RAB28: variants seen among roughly 807,000 people sequenced by gnomAD.
The protein encoded by RAB28 is ras-related protein Rab-28.
RAB28 carries 24 observed loss-of-function variants against 31.7 expected under a neutral mutation model. The observed-to-expected ratio is 0.76, with a 90% confidence interval of 0.55 to 1.06. The LOEUF (loss-of-function observed/expected upper bound fraction) is 1.06. RAB28 is among the 50% of genes least tolerant of loss of function. The pLI, the probability that RAB28 is intolerant of heterozygous loss-of-function variation, is 0.00. For synonymous variants in RAB28, 100 were observed against 90.4 expected (o/e 1.11, Z -0.60); for missense variants, 254 against 258.5 (o/e 0.98, Z 0.12).
At chr4:13,419,984 G>A (rs954670613) in intron 4 of RAB28, among the ~76,000 whole-genome samples, 6 of 150,966 alleles carry the variant, frequency 4.0e-5, no homozygotes, top group Non-Finnish European at 8.8e-5. Context: ...TTTTTCAAAA[G>A]ATCCACAAAA....
Position 13,414,039 on chromosome 4 carries a change from G to A in RAB28, c.392-32445C>T, listed in dbSNP as rs1577189226. Among the ~76,000 whole-genome samples the A allele has an allele frequency of 1.3e-5, 2 of 152,136 alleles. 1 individual carries two copies. The highest frequency in any genetic ancestry group is 2.9e-5 in the Non-Finnish European group (2 of 68,028). ...TCAGCTCAGAAGCCCCGTTCCACAA[G>A]AGCCAATTTCTCTTGTAACATTCCA... is the stretch of plus-strand genomic sequence containing the variant. On this transcript the variant is annotated intron_variant, in intron 4 of 6. Coordinates refer to ENST00000330852, the MANE Select transcript of RAB28 (RefSeq NM_001017979.3).
chr4:13,374,212 G>A (rs567494767), intron 6 of RAB28, among the ~76,000 whole-genome samples: 1 of 152,200 alleles, frequency 6.6e-6, no homozygotes, highest in South Asian at 2.1e-4. Flanking sequence ...TGCATTAAGA[G>A]TAAATGCCAC....
At chr4:13,456,423 T>A (rs1180999035) in intron 4 of RAB28, among the ~76,000 whole-genome samples, 1 of 152,254 alleles carries the variant, frequency 6.6e-6, no homozygotes, top group Non-Finnish European at 1.5e-5. Flanking sequence ...GCACTTACTA[T>A]GCAAAAGACC....
At chr4:13,371,777 T>C in intron 6 of RAB28, 1 of 1,546,818 alleles carries the variant, frequency 6.5e-7, no homozygotes, top group Non-Finnish European at 8.7e-7. Context: ...GAGAAAATGT[T>C]ACCTATAAAA....
At chr4:13,388,721 T>C (rs1729495240) in intron 4 of RAB28, among the ~76,000 whole-genome samples, 1 of 151,912 alleles carries the variant, frequency 6.6e-6, no homozygotes, top group Admixed American at 6.6e-5. Context: ...AGATATTTCC[T>C]CAAAGATAAC....
At chr4:13,448,353 A>G (rs1396655003) in intron 4 of RAB28, among the ~76,000 whole-genome samples, 1 of 152,134 alleles carries the variant, frequency 6.6e-6, no homozygotes, top group Non-Finnish European at 1.5e-5. Context: ...TGCTTTTATT[A>G]GCATTTAATA....
intron 3 of RAB28, 57 bp downstream of exon 3, chr4:13,474,261 T>A: frequency 3.6e-6 from 4 of 1,121,478 alleles, no homozygotes; most frequent in South Asian, 1.2e-5. Flanking sequence ...TAGATTTGCA[T>A]GTGTGCTTGT....
At chr4:13,418,775 C>G (rs1291955644) in intron 4 of RAB28, among the ~76,000 whole-genome samples, 1 of 152,160 alleles carries the variant, frequency 6.6e-6, no homozygotes, top group Non-Finnish European at 1.5e-5. Context: ...AAAGGAGTAA[C>G]GAGTACCAGC....
intron 1 of RAB28, among the ~76,000 whole-genome samples, chr4:13,480,321 TAAC>T (rs1360784773): frequency 6.6e-6 from 1 of 151,788 alleles, no homozygotes; most frequent in Non-Finnish European, 1.5e-5. Flanking sequence ...AACAATAACT[TAAC>T]AAATTCTTAA....
In RAB28 at chr4:13,484,321, C is replaced by A; in HGVS notation, c.-171G>T. 1.7e-6 allele frequency: 1 copy of A among 602,000 alleles called. No individual in the cohort carries two copies. Among genetic ancestry groups the A allele is most frequent in the Middle Eastern group, 4.6e-4 (1 of 2,186 alleles). The allele number at this position is 602,000 out of a possible 1,614,324, so 37.3% of individuals were successfully genotyped here. ...GAATCACTCGGCAAGCGCCATCTTG[C>A]CCACCTCCCCGCCCTCTGCGCGCGG... On this transcript the variant is annotated 5_prime_UTR_variant, in exon 1 of 7. Transcript: ENST00000330852.
chr4:13,453,133 C>T (rs1715066084), intron 4 of RAB28, among the ~76,000 whole-genome samples: 1 of 152,010 alleles, frequency 6.6e-6, no homozygotes, highest in Admixed American at 6.6e-5. Context: ...TATCTTTTTC[C>T]ATCCTTTCAC....
At chr4:13,469,779 C>T (rs1716033587) in intron 3 of RAB28, among the ~76,000 whole-genome samples, 1 of 152,118 alleles carries the variant, frequency 6.6e-6, no homozygotes, top group East Asian at 1.9e-4. Context: ...GCCTCAAACT[C>T]CTGGACTCAA....
At chr4:13,422,968 A>C (rs1321271146) in intron 4 of RAB28, among the ~76,000 whole-genome samples, 1 of 152,178 alleles carries the variant, frequency 6.6e-6, no homozygotes, top group Non-Finnish European at 1.5e-5. Flanking sequence ...ATTTCAATGT[A>C]AATTTTACCT....
intron 4 of RAB28, among the ~76,000 whole-genome samples, chr4:13,432,151 G>A (rs1577208665): frequency 6.6e-6 from 1 of 152,006 alleles, no homozygotes; most frequent in African/African-American, 2.4e-5. Context: ...AATACAACAG[G>A]AAGCTTTAAC....
intron 6 of RAB28, chr4:13,371,068 T>C (rs1314781362): frequency 1.4e-5 from 14 of 983,578 alleles, no homozygotes; most frequent in Non-Finnish European, 1.7e-5. Flanking sequence ...AAAAGCATCT[T>C]AATATGAGCT....
At position 13,418,381 on chromosome 4, in the gene RAB28, C is replaced by G. The variant is rs141013190; in HGVS notation, c.392-36787G>C. Among the ~76,000 whole-genome samples the G allele has an allele frequency of 4.5e-4, 68 of 152,216 alleles. 2 individuals carry two copies. In the East Asian group the frequency reaches 0.013, roughly 29 times the overall value. The stretch of plus-strand genomic sequence containing the variant: ...CAACCCAGCAAGGCAGGCCAACATT[C>G]AAAATCAGGAAATACAGAGAACACC... On this transcript the variant is annotated intron_variant, in intron 4 of 6. Coordinates refer to ENST00000330852, the MANE Select transcript of RAB28 (RefSeq NM_001017979.3).
chr4:13,465,961 A>G (rs1715822369), intron 3 of RAB28, among the ~76,000 whole-genome samples: 1 of 152,002 alleles, frequency 6.6e-6, no homozygotes. Context: ...AGCCAGAAAT[A>G]CACAATGGAA....
intron 4 of RAB28, chr4:13,460,042 C>T: frequency 3.9e-6 from 2 of 509,874 alleles, no homozygotes; most frequent in Non-Finnish European, 6.6e-6. Flanking sequence ...AAAGATTGTA[C>T]ACACTCTTAG....
At chr4:13,423,801 T>C (rs997718259) in intron 4 of RAB28, among the ~76,000 whole-genome samples, 2 of 152,194 alleles carry the variant, frequency 1.3e-5, no homozygotes, top group African/African-American at 2.4e-5. Context: ...GTTTGATATT[T>C]TTAATAGGAT....
Sources: gnomAD v4.1 joint callset for allele counts (sites outside exome capture counted in the v4.1 genomes callset) on GRCh38, gnomAD v4.1.1 for gene constraint, MANE v1.5 for transcripts, NCBI Gene and HGNC (gene_info 2026-07-23, HGNC 2026-07-21) for gene names.